The following ATP2C1 variants were observed in gnomAD, a reference collection of about 807,000 sequenced individuals.
ATP2C1 encodes ATPase secretory pathway Ca2+ transporting 1.
ATP2C1 carries 31 observed loss-of-function variants against 120.5 expected under a neutral mutation model. That is an observed-to-expected ratio of 0.26 (90% CI 0.19 to 0.35). The LOEUF (loss-of-function observed/expected upper bound fraction) is 0.35. ATP2C1 is among the 10% of genes least tolerant of loss of function. ATP2C1 has a pLI of 1.00. For synonymous variants in ATP2C1, 351 were observed against 358.7 expected (o/e 0.98, Z 0.24); for missense variants, 731 against 1,107.5 (o/e 0.66, Z 4.83).
In ATP2C1 at chr3:130,941,269, T is replaced by C. The variant is rs971459586; in HGVS notation, c.423-322T>C. Among the ~76,000 whole-genome samples, 4 of 144,946 alleles carry C rather than the reference T, an allele frequency of 2.8e-5. 1 individual carries two copies. The highest frequency in any genetic ancestry group is 2.0e-4 in the East Asian group (1 of 4,922). Reference sequence around the variant, plus strand: ...GTGTGTGTGTGTGTGTGTGTGTCTGTGTGTGTGCGCGCACGCGCGCATGCA... The same window carrying C: ...GTGTGTGTGTGTGTGTGTGTGTCTGCGTGTGTGCGCGCACGCGCGCATGCA... On this transcript the variant is annotated intron_variant, in intron 7 of 27. Transcript: ENST00000510168.
chr3:130,982,411 C>T (rs920819816), intron 20 of ATP2C1, among the ~76,000 whole-genome samples: 2 of 152,154 alleles, frequency 1.3e-5, no homozygotes, highest in African/African-American at 4.8e-5. Flanking sequence ...GATTAACTTA[C>T]TTTATTATCT....
chr3:130,989,256 A>AC (rs1026762303), intron 20 of ATP2C1, among the ~76,000 whole-genome samples: 6 of 146,958 alleles, frequency 4.1e-5, no homozygotes, highest in South Asian at 2.1e-4. Context: ...TCAAAAAAAA[A>AC]AAAAACAAAA....
At chr3:130,909,471 A>G (rs952696042) in intron 2 of ATP2C1, among the ~76,000 whole-genome samples, 1 of 152,156 alleles carries the variant, frequency 6.6e-6, no homozygotes, top group African/African-American at 2.4e-5. Flanking sequence ...TGCCCTTCAT[A>G]CTTCTCTAGG....
chr3:130,981,752 A>C (rs749961497), intron 20 of ATP2C1, among the ~76,000 whole-genome samples: 1 of 152,132 alleles, frequency 6.6e-6, no homozygotes, highest in Non-Finnish European at 1.5e-5. Context: ...CCCCATTCTG[A>C]TAAGTGTACA....
intron 2 of ATP2C1, chr3:130,919,025 G>C (rs1477100219): frequency 8.6e-6 from 4 of 466,654 alleles, no homozygotes; most frequent in South Asian, 4.9e-5. Context: ...AAGCAGTAGC[G>C]GTGGAAGCTC....
Position 130,990,765 on chromosome 3 carries a change from C to T in ATP2C1, c.1840-2186C>T, listed in dbSNP as rs546740098. Among the ~76,000 whole-genome samples the T allele has an allele frequency of 7.9e-4, 120 of 152,160 alleles. 1 individual carries two copies. Among genetic ancestry groups the T allele is most frequent in the African/African-American group, 2.7e-3 (112 of 41,502 alleles). On this transcript the variant is annotated intron_variant, in intron 20 of 27. Coordinates refer to ENST00000510168, the MANE Select transcript of ATP2C1 (RefSeq NM_001378687.1). ...GGTTTTGGAGTAAGGTGGTTGAATT[C>T]TGGATATATTTGTGAGTGGAGTCAA...
At chr3:130,914,150 A>G (rs1262844580) in intron 2 of ATP2C1, among the ~76,000 whole-genome samples, 1 of 147,076 alleles carries the variant, frequency 6.8e-6, no homozygotes. Context: ...AAATCAGTAG[A>G]GTTTTAGACT....
intron 8 of ATP2C1, 128 bp downstream of exon 8, chr3:130,941,827 C>G: frequency 1.2e-6 from 1 of 807,070 alleles, no homozygotes; most frequent in Non-Finnish European, 2.1e-6. Flanking sequence ...TAAAATGTGA[C>G]ATATATAAAC....
chr3:130,890,636 C>T (rs1291646644), upstream of ATP2C1, among the ~76,000 whole-genome samples: 3 of 152,252 alleles, frequency 2.0e-5, no homozygotes, highest in Admixed American at 2.0e-4. Context: ...TTAAAACCAA[C>T]CAAACACAAG....
At chr3:130,967,798 A>G (rs1447657454) in intron 16 of ATP2C1, among the ~76,000 whole-genome samples, 1 of 152,152 alleles carries the variant, frequency 6.6e-6, no homozygotes, top group Non-Finnish European at 1.5e-5. Context: ...TGTAAAGATA[A>G]TAACACAGTC....
chr3:130,861,633 G>A (rs989995418), intron 1 of ATP2C1, among the ~76,000 whole-genome samples: 2 of 152,144 alleles, frequency 1.3e-5, no homozygotes, highest in African/African-American at 4.8e-5. Flanking sequence ...GACACACCCA[G>A]ATATAATGTG....
At chr3:130,916,932 A>G (rs2669867) in intron 2 of ATP2C1, among the ~76,000 whole-genome samples, 26,859 of 152,112 alleles carry the variant, frequency 0.18, 2,529 homozygotes, top group Middle Eastern at 0.24. Flanking sequence ...TTCCCTGATT[A>G]TATCCTTAAA....
intron 1 of ATP2C1, among the ~76,000 whole-genome samples, chr3:130,861,222 T>A (rs2068003230): frequency 6.6e-6 from 1 of 152,108 alleles, no homozygotes; most frequent in Non-Finnish European, 1.5e-5. Flanking sequence ...TGAGCCGAGA[T>A]CACGCCACTG....
chr3:130,988,346 C>T (rs1028925028), intron 20 of ATP2C1, among the ~76,000 whole-genome samples: 10 of 152,188 alleles, frequency 6.6e-5, no homozygotes, highest in Admixed American at 4.6e-4. Flanking sequence ...AAATGTGACA[C>T]TGAAAAGGAG....
At chr3:130,854,061 T>C (rs2067760858) in intron 1 of ATP2C1, 1 of 152,216 alleles carries the variant, frequency 6.6e-6, no homozygotes, top group South Asian at 2.1e-4. Flanking sequence ...AGATTTGACA[T>C]GAGGGTTGAT....
chr3:130,969,085 A>G (rs2061180685), intron 16 of ATP2C1, among the ~76,000 whole-genome samples: 1 of 152,186 alleles, frequency 6.6e-6, no homozygotes. Context: ...CCTGCCTTAG[A>G]CTATATCTAC....
intron 2 of ATP2C1, among the ~76,000 whole-genome samples, chr3:130,907,100 AC>A (rs2058163800): frequency 6.6e-6 from 1 of 151,988 alleles, no homozygotes; most frequent in African/African-American, 2.4e-5. Context: ...ACACACACAC[AC>A]ATACGTTTAT....
Position 130,884,898 on chromosome 3 carries a change from G to T in ATP2C1, c.108+33970G>T, listed in dbSNP as rs796113835. ...TTTTCAGCCTATGTGTATCTTAATA[G>T]GTGAAGTGTGTTTCTTTTCTTTCTT... On this transcript the variant is annotated intron_variant, in intron 1 of 26. Coordinates refer to the ATP2C1 transcript ENST00000504381. Among the ~76,000 whole-genome samples the T allele has an allele frequency of 5.8e-4, 87 of 149,990 alleles. 1 individual carries two copies. Among genetic ancestry groups the T allele is most frequent in the African/African-American group, 1.9e-3 (79 of 40,912 alleles).
In ATP2C1 at chr3:130,920,282, TC is replaced by T. The variant is rs2058892753; in HGVS notation, c.7-10132del. On this transcript the variant is annotated intron_variant, in intron 2 of 27. Transcript: ENST00000510168. ...GCCGACACCAGTGTCATGAAGCTTT[TC>T]CTGTATGTTTTCTTCTAAGAGTTTT... Among the ~76,000 whole-genome samples the T allele has an allele frequency of 2.6e-5, 4 of 152,384 alleles. No individual in the cohort carries two copies. In the South Asian group the frequency reaches 8.3e-4, roughly 32 times the overall value.
Sources: allele counts gnomAD v4.1 joint callset (sites outside exome capture counted in the v4.1 genomes callset), GRCh38; gene constraint gnomAD v4.1.1; transcripts MANE v1.5; gene names NCBI Gene and HGNC (gene_info 2026-07-23, HGNC 2026-07-21).